PIK3R6: variants seen among roughly 807,000 people sequenced by gnomAD.
PIK3R6 encodes the protein phosphoinositide 3-kinase regulatory subunit 6.
A neutral mutation model predicts 84.9 loss-of-function variants in PIK3R6; 91 were observed. That is an observed-to-expected ratio of 1.07 (90% CI 0.90 to 1.28). The LOEUF (loss-of-function observed/expected upper bound fraction) is 1.28, where lower values mean the gene tolerates loss of function less well. Among genes scored for constraint, PIK3R6 ranks in the 50% most tolerant of loss-of-function variants. The pLI is 0.00. For synonymous variants in PIK3R6, 416 were observed against 411.4 expected (o/e 1.01, Z -0.13); for missense variants, 996 against 985.1 (o/e 1.01, Z -0.15).
intron 9 of PIK3R6, among the ~76,000 whole-genome samples, chr17:8,831,377 G>A (rs1459131070): frequency 2.7e-5 from 4 of 149,884 alleles, no homozygotes; most frequent in Non-Finnish European, 5.9e-5. Context: ...GTCTGGGCAG[G>A]AGACAGGTGC....
intron 13 of PIK3R6, among the ~76,000 whole-genome samples, chr17:8,823,771 T>C (rs571560951): frequency 2.0e-5 from 3 of 152,252 alleles, no homozygotes; most frequent in Non-Finnish European, 4.4e-5. Context: ...GCTAAGTGAT[T>C]GAGGGAGACA....
rs1202982000 is a variant in PIK3R6, at chr17:8,839,669, C to T, written c.42G>A (p.Val14=). 1.3e-6 allele frequency: 2 copies of T among 1,578,658 alleles called. No homozygotes were observed. The highest frequency in any genetic ancestry group is 1.8e-5 in the Admixed American group (1 of 54,298). ...TGCTGAGCTCCCGGAGCACAGCCTG[C>T]ACGCTCCTCTGGAGGTCCAGCTCCA... ...SDVELDLQRS[V]QAVLRELSTQ... The change falls in exon 3 of 20, where the codon GTG becomes GTA. Residue 14 remains valine, a synonymous_variant. Coordinates refer to ENST00000619866, the MANE Select transcript of PIK3R6 (RefSeq NM_001010855.4). This position sits in a 1 kb window ranked among gnomAD's most constrained non-coding sequence, Gnocchi z 4.2.
intron 18 of PIK3R6, among the ~76,000 whole-genome samples, chr17:8,816,999 T>G (rs186154798): frequency 1.3e-5 from 2 of 152,354 alleles, no homozygotes; most frequent in East Asian, 3.9e-4. Context: ...AGAACTTACT[T>G]AAATGTCGTC....
intron 18 of PIK3R6, among the ~76,000 whole-genome samples, chr17:8,808,015 A>G (rs1483426720): frequency 6.6e-6 from 1 of 152,152 alleles, no homozygotes; most frequent in African/African-American, 2.4e-5. Flanking sequence ...CAGTTGGCCA[A>G]CCAAGCTGGA....
At chr17:8,845,339 T>G (rs953928624) in intron 2 of PIK3R6, among the ~76,000 whole-genome samples, 17 of 152,186 alleles carry the variant, frequency 1.1e-4, no homozygotes, top group Non-Finnish European at 5.9e-5. Flanking sequence ...GCATCTGTTG[T>G]TTTTTGACTT....
Position 8,844,836 on chromosome 17 carries a change from C to G in PIK3R6, c.13+4946G>C, listed in dbSNP as rs1032539701. Among the ~76,000 whole-genome samples the G allele has an allele frequency of 2.4e-4, 36 of 152,016 alleles. No homozygotes were observed. The highest frequency in any genetic ancestry group is 8.7e-4 in the African/African-American group (36 of 41,400). ...TTGCCCCTTTCCCTCCCTCCCCATT[C>G]TAGTAGCCCCCAGTTTCTATTGTTG... On this transcript the variant is annotated intron_variant, in intron 2 of 19. Coordinates refer to ENST00000619866, the MANE Select transcript of PIK3R6 (RefSeq NM_001010855.4). The surrounding 1 kb of genome is among the most constrained non-coding windows in gnomAD (Gnocchi z 4.5).
chr17:8,827,069 C>T lies in PIK3R6; in HGVS notation c.1515+103G>A, dbSNP rs1416275678. 3 of 1,361,658 alleles carry T rather than the reference C, an allele frequency of 2.2e-6. No homozygotes were observed. In the African/African-American group the frequency reaches 4.3e-5, roughly 20 times the overall value. 84.3% of individuals were successfully genotyped at this position (1,361,658 alleles called of 1,614,324 possible). ...AGCAAAAAGATGGCCCCCTCTCACC[C>T]CCATTTCACCCTCGCTGCCTACTTG... On this transcript the variant is annotated intron_variant, in intron 13 of 19. Transcript: ENST00000619866.
In PIK3R6 at chr17:8,833,032, C is replaced by A; in HGVS notation, c.659G>T (p.Arg220Leu). Reference protein sequence around the residue: ...LHRKLQASPRRTLEHYFHAVV... With the variant: ...LHRKLQASPRLTLEHYFHAVV... ...GGCGTGGAAATAGTGCTCCAGGGTG[C>A]GGCGAGGGCTGGCCTGTTGGGGAGG... Residue 220 changes from arginine (R) to leucine (L), a missense_variant, in exon 9 of 20, where the codon CGC (arginine) becomes CTC (leucine). Arg to Leu is a moderately radical substitution (Grantham distance 102). Transcript: ENST00000619866. 6.3e-7 allele frequency: 1 copy of A among 1,597,482 alleles called. No homozygotes were observed. The highest frequency in any genetic ancestry group is 8.5e-7 in the Non-Finnish European group (1 of 1,174,472).
chr17:8,828,585 T>C lies in PIK3R6; in HGVS notation c.1295A>G (p.Gln432Arg). 6.2e-7 allele frequency: 1 copy of C among 1,612,728 alleles called. No individual in the cohort carries two copies. The highest frequency in any genetic ancestry group is 1.1e-5 in the South Asian group (1 of 91,034). Residue 432 changes from glutamine to arginine, a missense_variant, in exon 11 of 20, where the codon CAG becomes CGG. By Grantham distance (43) the Gln-to-Arg change is conservative. Coordinates refer to ENST00000619866, the MANE Select transcript of PIK3R6 (RefSeq NM_001010855.4). ...GDDRMLGRLA[Q>R]AYHRLRKRET... ...GCCCCACCTGAGTCTGTGGTAGGCC[T>C]GGGCCAGGCGCCCCAGCATCCTGTC...
chr17:8,849,500 T>C (rs2088890955), intron 2 of PIK3R6, among the ~76,000 whole-genome samples: 1 of 152,268 alleles, frequency 6.6e-6, no homozygotes, highest in Admixed American at 6.5e-5. Flanking sequence ...ATATAGGTTT[T>C]TGTTAAATAG....
intron 10 of PIK3R6, 134 bp downstream of exon 10, chr17:8,829,572 A>G (rs2088145025): frequency 2.1e-6 from 2 of 941,590 alleles, no homozygotes; most frequent in African/African-American, 1.7e-5. Flanking sequence ...ACACATACAC[A>G]CACAGACACA....
chr17:8,854,038 A>AT lies in PIK3R6; in HGVS notation c.-91-4154dup, dbSNP rs574507783. 3.6e-3 allele frequency among the ~76,000 whole-genome samples: 547 copies of AT among 151,572 alleles called. 2 individuals carry two copies. The highest frequency in any genetic ancestry group is 5.9e-3 in the Non-Finnish European group (402 of 67,824). ...TAATTCCAATAAAAATACCAGCAGG[A>AT]TTTTTTTTTGTAGATACATATAAGT... On this transcript the variant is annotated intron_variant, in intron 1 of 19. Coordinates refer to ENST00000619866, the MANE Select transcript of PIK3R6 (RefSeq NM_001010855.4).
At chr17:8,836,489 A>G (rs1375168174) in intron 7 of PIK3R6, 58 bp downstream of exon 7, 4 of 1,581,574 alleles carry the variant, frequency 2.5e-6, no homozygotes, top group Non-Finnish European at 3.5e-6. Flanking sequence ...GGGAGCAGTC[A>G]CTAAAGCCAC....
At chr17:8,832,197 G>T (rs972537415) in intron 9 of PIK3R6, among the ~76,000 whole-genome samples, 9 of 152,020 alleles carry the variant, frequency 5.9e-5, no homozygotes, top group African/African-American at 2.2e-4. Flanking sequence ...ACTCAGTTTC[G>T]TCCTCTGTAA....
rs190831545 is a variant in PIK3R6, at chr17:8,856,993, C to T, written c.-91-7108G>A. 4.4e-3 allele frequency among the ~76,000 whole-genome samples: 303 copies of T among 68,696 alleles called. 5 individuals carry two copies. The highest frequency in any genetic ancestry group is 0.028 in the African/African-American group (282 of 10,024). 45.1% of individuals were successfully genotyped at this position (68,696 alleles called of 152,430 possible). On this transcript the variant is annotated intron_variant, in intron 1 of 19. Transcript: ENST00000619866. ...ACACCCCTGCCTGGAGCACCCTTCC[C>T]CCAGCTTTCCCCACAGCTGGCTCCC... is the stretch of plus-strand genomic sequence containing the variant.
intron 16 of PIK3R6, 99 bp from the exon 17 acceptor site, chr17:8,822,035 A>T: frequency 6.1e-6 from 4 of 658,436 alleles, no homozygotes; most frequent in Admixed American, 4.1e-5. Context: ...CCTGTTTTCC[A>T]CCCCTGCTGT....
In PIK3R6 at chr17:8,803,251, T is replaced by C. The variant is rs368077703; in HGVS notation, c.*22A>G. ...TGGTGGGGTAGTGTATCCTTCCTCCTGGGCCTGCTGTCCCTGCAGGCTCAC... is the reference window on the plus strand; with the variant it reads ...TGGTGGGGTAGTGTATCCTTCCTCCCGGGCCTGCTGTCCCTGCAGGCTCAC... On this transcript the variant is annotated 3_prime_UTR_variant, in exon 20 of 20. Coordinates refer to ENST00000619866, the MANE Select transcript of PIK3R6 (RefSeq NM_001010855.4). This position sits in a 1 kb window ranked among gnomAD's most constrained non-coding sequence, Gnocchi z 5.0. 219 of 1,611,786 alleles carry C rather than the reference T, an allele frequency of 1.4e-4. No individual in the cohort carries two copies. In the African/African-American group the frequency reaches 2.8e-3, roughly 21 times the overall value.
At chr17:8,832,506 C>T (rs567755620) in intron 9 of PIK3R6, among the ~76,000 whole-genome samples, 40 of 150,514 alleles carry the variant, frequency 2.7e-4, no homozygotes, top group Non-Finnish European at 2.7e-4. Context: ...ACTCAGCATC[C>T]CGAGTAGCTG....
chr17:8,807,324 C>T (rs529831151), intron 18 of PIK3R6, among the ~76,000 whole-genome samples: 2 of 152,206 alleles, frequency 1.3e-5, no homozygotes, highest in African/African-American at 4.8e-5. Context: ...CTGCTGCAGG[C>T]CAGACACCAC....
Sources: gnomAD v4.1 joint callset for allele counts (sites outside exome capture counted in the v4.1 genomes callset) on GRCh38, gnomAD v4.1.1 for gene constraint, Gnocchi (gnomAD v3.1) non-coding constraint, MANE v1.5 for transcripts, NCBI Gene and HGNC (gene_info 2026-07-23, HGNC 2026-07-21) for gene names.